SPON1: variants seen among roughly 807,000 people sequenced by gnomAD.
The protein encoded by SPON1 is spondin-1.
A neutral mutation model predicts 111.7 loss-of-function variants in SPON1; 52 were observed. The observed-to-expected ratio is 0.47, with a 90% CI of 0.37 to 0.59. The LOEUF (loss-of-function observed/expected upper bound fraction) is 0.59. SPON1 is among the 20% of genes least tolerant of loss of function. The pLI is 0.00. For missense variants in SPON1, 957 were observed against 1,068.5 expected (o/e 0.90, Z 1.46); for synonymous variants, 410 against 395.8 (o/e 1.04, Z -0.43).
At chr11:14,100,349 C>T (rs1248443810) in intron 5 of SPON1, among the ~76,000 whole-genome samples, 1 of 152,018 alleles carries the variant, frequency 6.6e-6, no homozygotes, top group African/African-American at 2.4e-5. Flanking sequence ...ATTTTTCTGC[C>T]ATGTTATTAT....
chr11:14,026,801 A>G (rs1025102945), intron 2 of SPON1, among the ~76,000 whole-genome samples: 1 of 152,174 alleles, frequency 6.6e-6, no homozygotes, highest in Non-Finnish European at 1.5e-5. Context: ...AAAATGTTTT[A>G]AAGGGATTAT....
chr11:14,186,587 C>T (rs1340842620), intron 6 of SPON1, among the ~76,000 whole-genome samples: 3 of 152,334 alleles, frequency 2.0e-5, no homozygotes, highest in East Asian at 3.9e-4. Flanking sequence ...CCACTCCAAC[C>T]AGCCTCTCCA....
intron 5 of SPON1, among the ~76,000 whole-genome samples, chr11:14,118,933 A>C (rs1849284695): frequency 6.6e-6 from 1 of 152,244 alleles, no homozygotes; most frequent in African/African-American, 2.4e-5. Flanking sequence ...GTATTAGCTG[A>C]TACCTGTGAA....
chr11:14,132,372 A>T (rs1214091067), intron 5 of SPON1, among the ~76,000 whole-genome samples: 1 of 152,196 alleles, frequency 6.6e-6, no homozygotes, highest in African/African-American at 2.4e-5. Flanking sequence ...GTGTAATTAA[A>T]TTTTATTTAA....
intron 5 of SPON1, among the ~76,000 whole-genome samples, chr11:14,131,871 T>G (rs1554927539): frequency 6.6e-6 from 1 of 152,338 alleles, no homozygotes; most frequent in South Asian, 2.1e-4. Flanking sequence ...GCAAATTGTT[T>G]TTCCATAGGT....
intron 6 of SPON1, among the ~76,000 whole-genome samples, chr11:14,230,477 T>A (rs1386271012): frequency 6.6e-6 from 1 of 152,176 alleles, no homozygotes; most frequent in African/African-American, 2.4e-5. Flanking sequence ...ACTCCTTGCC[T>A]AACAAAGCCT....
rs563039669 is a variant in SPON1, at chr11:13,993,927, ACT to A, written c.345+10977_345+10978del. ...TCAGGCATCAACTAGTTTAGGTAACACTCTGCCAATCAAAGGAAAAAAGTCTC... is the reference window on the plus strand; with the variant it reads ...TCAGGCATCAACTAGTTTAGGTAACACTGCCAATCAAAGGAAAAAAGTCTC... On this transcript the variant is annotated intron_variant, in intron 2 of 15. Transcript: ENST00000576479. 2.0e-3 allele frequency among the ~76,000 whole-genome samples: 307 copies of A among 152,188 alleles called. 4 individuals carry two copies. The highest frequency in any genetic ancestry group is 7.0e-3 in the African/African-American group (292 of 41,560).
At chr11:14,033,971 A>G (rs1018138082) in intron 2 of SPON1, among the ~76,000 whole-genome samples, 1 of 152,194 alleles carries the variant, frequency 6.6e-6, no homozygotes, top group East Asian at 1.9e-4. Flanking sequence ...ATTTAAACCT[A>G]TATATAAAAT....
intron 5 of SPON1, among the ~76,000 whole-genome samples, chr11:14,092,567 C>T (rs1322700189): frequency 6.6e-6 from 1 of 152,148 alleles, no homozygotes; most frequent in Non-Finnish European, 1.5e-5. Flanking sequence ...TGGTTTGTTC[C>T]AAGTGCTGTT....
intron 2 of SPON1, among the ~76,000 whole-genome samples, chr11:14,024,343 C>T (rs1282517957): frequency 6.6e-6 from 1 of 152,106 alleles, no homozygotes; most frequent in Non-Finnish European, 1.5e-5. Flanking sequence ...GAGTTCTTGC[C>T]CAGTGTACCA....
At chr11:14,082,291 G>A (rs182152922) in intron 5 of SPON1, among the ~76,000 whole-genome samples, 1 of 152,262 alleles carries the variant, frequency 6.6e-6, no homozygotes, top group Admixed American at 6.5e-5. Flanking sequence ...GCAGACGTGT[G>A]TTCCAGATCT....
intron 2 of SPON1, among the ~76,000 whole-genome samples, chr11:13,985,880 C>T (rs558675640): frequency 3.9e-5 from 6 of 152,258 alleles, no homozygotes; most frequent in East Asian, 1.9e-4. Context: ...ATGCACACTC[C>T]GCTTGGGTTC....
intron 2 of SPON1, among the ~76,000 whole-genome samples, chr11:13,987,590 C>A (rs1463843278): frequency 1.3e-5 from 2 of 152,076 alleles, no homozygotes; most frequent in East Asian, 3.8e-4. Context: ...GCTTTTGTTA[C>A]CTTTGCTTTG....
intron 3 of SPON1, among the ~76,000 whole-genome samples, chr11:14,050,998 G>A (rs1308431174): frequency 6.6e-5 from 10 of 152,220 alleles, no homozygotes; most frequent in African/African-American, 2.4e-4. Flanking sequence ...TTGCAGTGGG[G>A]GCAGAGATGG....
intron 6 of SPON1, among the ~76,000 whole-genome samples, chr11:14,216,075 A>G (rs572881543): frequency 4.9e-4 from 74 of 152,354 alleles, no homozygotes; most frequent in Non-Finnish European, 8.8e-5. Flanking sequence ...AAGGTGGTTA[A>G]GAATATCAAA....
intron 6 of SPON1, among the ~76,000 whole-genome samples, chr11:14,234,635 C>T (rs1187827924): frequency 5.9e-5 from 9 of 152,204 alleles, no homozygotes; most frequent in Non-Finnish European, 1.2e-4. Context: ...AGCTCCCACC[C>T]ACCGGAGGCA....
intron 1 of SPON1, among the ~76,000 whole-genome samples, chr11:13,974,127 A>G (rs1848084509): frequency 6.6e-6 from 1 of 152,234 alleles, no homozygotes; most frequent in Non-Finnish European, 1.5e-5. Flanking sequence ...AAATTTTTAA[A>G]TAGAAATATA....
intron 6 of SPON1, among the ~76,000 whole-genome samples, chr11:14,156,202 A>G (rs12285578): frequency 0.29 from 33,227 of 113,948 alleles, 5,665 homozygotes; most frequent in East Asian, 0.45. Context: ...GGTGTGAGAT[A>G]GTATCTCATT....
chr11:13,978,362 G>A (rs1361508607), intron 1 of SPON1, among the ~76,000 whole-genome samples: 3 of 152,152 alleles, frequency 2.0e-5, no homozygotes, highest in South Asian at 2.1e-4. Context: ...TAGCAATACT[G>A]AGCCAACCAG....
Sources: allele counts gnomAD v4.1 joint callset (sites outside exome capture counted in the v4.1 genomes callset), GRCh38; gene constraint gnomAD v4.1.1; transcripts MANE v1.5; gene names NCBI Gene and HGNC (gene_info 2026-07-23, HGNC 2026-07-21).